OXR1: variants seen among roughly 807,000 people sequenced by gnomAD.
The protein encoded by OXR1 is oxidation resistance protein 1.
A neutral mutation model predicts 104.6 loss-of-function variants in OXR1; 41 were observed. The observed-to-expected ratio is 0.39, with a 90% CI of 0.31 to 0.51. OXR1 has a LOEUF of 0.51. Among genes scored for constraint, OXR1 ranks in the 20% least tolerant of loss-of-function variants. The pLI, the probability that OXR1 is intolerant of heterozygous loss-of-function variation, is 0.77. For missense variants in OXR1, 955 were observed against 1,031.9 expected (o/e 0.93, Z 1.02); for synonymous variants, 348 against 348.4 (o/e 1.00, Z 0.01).
At chr8:106,688,902 T>A (rs1487047843) in intron 6 of OXR1, among the ~76,000 whole-genome samples, 2 of 152,124 alleles carry the variant, frequency 1.3e-5, no homozygotes, top group Non-Finnish European at 2.9e-5. Context: ...CTGAGACATA[T>A]GATCTAAATT....
intron 3 of OXR1, among the ~76,000 whole-genome samples, chr8:106,655,913 G>C (rs1370777386): frequency 6.6e-6 from 1 of 152,166 alleles, no homozygotes; most frequent in East Asian, 1.9e-4. Context: ...ATCTGGATTT[G>C]AACTGGTAGA....
intron 2 of OXR1, among the ~76,000 whole-genome samples, chr8:106,386,133 T>C (rs561606951): frequency 6.6e-6 from 1 of 152,294 alleles, no homozygotes; most frequent in South Asian, 2.1e-4. Context: ...TGGAAGCTTC[T>C]GTAACTGTCT....
intron 16 of OXR1, among the ~76,000 whole-genome samples, chr8:106,749,232 A>AT (rs1166037372): frequency 7.3e-5 from 11 of 151,478 alleles, no homozygotes; most frequent in Non-Finnish European, 1.5e-4. Flanking sequence ...AGTCCCAGCT[A>AT]TTTGGGAGGC....
intron 2 of OXR1, among the ~76,000 whole-genome samples, chr8:106,370,574 C>A: frequency 6.6e-6 from 1 of 152,142 alleles, no homozygotes; most frequent in Non-Finnish European, 1.5e-5. Flanking sequence ...TATATTCCAT[C>A]AATACCTAGT....
At chr8:106,315,385 A>G (rs1341936488) in intron 1 of OXR1, among the ~76,000 whole-genome samples, 1 of 152,290 alleles carries the variant, frequency 6.6e-6, no homozygotes, top group East Asian at 1.9e-4. Flanking sequence ...ATTGAAATTA[A>G]CTCATTTAAT....
chr8:106,551,789 CAT>C (rs200289561), intron 3 of OXR1, among the ~76,000 whole-genome samples: 30,673 of 127,072 alleles, frequency 0.24, 3,666 homozygotes, highest in East Asian at 0.37. Flanking sequence ...CTCCACTATA[CAT>C]ATATATATAT....
At chr8:106,378,283 C>A (rs918138025) in intron 2 of OXR1, among the ~76,000 whole-genome samples, 2 of 152,158 alleles carry the variant, frequency 1.3e-5, no homozygotes, top group Non-Finnish European at 2.9e-5. Flanking sequence ...AGCAGCACAT[C>A]CAAGTGTCAG....
At chr8:106,584,369 T>C (rs888263488) in intron 3 of OXR1, among the ~76,000 whole-genome samples, 3 of 151,698 alleles carry the variant, frequency 2.0e-5, no homozygotes, top group Admixed American at 1.3e-4. Flanking sequence ...TGAGAAAATT[T>C]CCCAGAACTG....
At chr8:106,591,925 T>A (rs1819125739) in intron 3 of OXR1, among the ~76,000 whole-genome samples, 1 of 152,222 alleles carries the variant, frequency 6.6e-6, no homozygotes. Context: ...AGGGGACACC[T>A]GGCGTGAGAG....
In OXR1 at chr8:106,326,445, C is replaced by T. The variant is rs1183941157; in HGVS notation, c.-138-33031C>T. On this transcript the variant is annotated intron_variant, in intron 1 of 16. Transcript: ENST00000517566. ...TTGTTTTCCAAGCTAAATTCTGCCTCTGGCAAGACAAGTCAATTATTTTTC... is the reference window on the plus strand; with the variant it reads ...TTGTTTTCCAAGCTAAATTCTGCCTTTGGCAAGACAAGTCAATTATTTTTC... Among the ~76,000 whole-genome samples, 3 of 152,194 alleles carry T rather than the reference C, an allele frequency of 2.0e-5. No individual in the cohort carries two copies. The East Asian group carries it at 5.8e-4, about 29-fold the overall frequency.
At chr8:106,439,327 C>A (rs960656306) in intron 2 of OXR1, among the ~76,000 whole-genome samples, 2 of 151,920 alleles carry the variant, frequency 1.3e-5, no homozygotes, top group Admixed American at 1.3e-4. Flanking sequence ...CTCTGGAAAC[C>A]AGGAAGAGAG....
intron 3 of OXR1, among the ~76,000 whole-genome samples, chr8:106,669,697 T>C (rs1162637552): frequency 6.6e-6 from 1 of 152,220 alleles, no homozygotes; most frequent in Non-Finnish European, 1.5e-5. Context: ...AATATTGTAA[T>C]ATTCAGTTAT....
intron 3 of OXR1, among the ~76,000 whole-genome samples, chr8:106,540,610 T>C (rs778656558): frequency 1.3e-5 from 2 of 152,210 alleles, no homozygotes; most frequent in Non-Finnish European, 2.9e-5. Flanking sequence ...ATGGCTGTTG[T>C]ATTAGTCTGT....
chr8:106,402,172 G>C (rs1818028943), intron 2 of OXR1, among the ~76,000 whole-genome samples: 1 of 152,154 alleles, frequency 6.6e-6, no homozygotes, highest in Non-Finnish European at 1.5e-5. Flanking sequence ...ATAATCCACT[G>C]TCATTCTCCA....
chr8:106,293,086 A>G lies in OXR1; in HGVS notation c.-139+22719A>G, dbSNP rs574262028. ...TCAAAGGTAATGTGCAAAAAATGGT[A>G]GTACACAGAAGATTTACTGATGGAT... is the stretch of plus-strand genomic sequence containing the variant. On this transcript the variant is annotated intron_variant, in intron 1 of 16. Transcript: ENST00000517566. 3.3e-5 allele frequency among the ~76,000 whole-genome samples: 5 copies of G among 152,340 alleles called. 1 individual carries two copies. In the South Asian group the frequency reaches 1.0e-3, roughly 32 times the overall value.
At chr8:106,413,818 G>A (rs1818561155) in intron 2 of OXR1, among the ~76,000 whole-genome samples, 1 of 151,608 alleles carries the variant, frequency 6.6e-6, no homozygotes. Context: ...CCACCTCCTG[G>A]GTTGGAGCAA....
chr8:106,643,355 C>T (rs907360214), intron 3 of OXR1, among the ~76,000 whole-genome samples: 5 of 151,996 alleles, frequency 3.3e-5, no homozygotes, highest in African/African-American at 1.2e-4. Flanking sequence ...AGATGGCCGG[C>T]CAGATTTGGT....
At chr8:106,723,733 TGACA>T (rs905765973) in intron 11 of OXR1, among the ~76,000 whole-genome samples, 9 of 152,032 alleles carry the variant, frequency 5.9e-5, no homozygotes, top group African/African-American at 2.2e-4. Context: ...GATTTATGGG[TGACA>T]GACTAGTTTA....
rs1829446642 is a variant in OXR1, at chr8:106,692,810, C to A, written c.608C>A (p.Ser203Tyr). 6.2e-7 allele frequency: 1 copy of A among 1,603,458 alleles called. No homozygotes were observed. Among genetic ancestry groups the A allele is most frequent in the Non-Finnish European group, 8.5e-7 (1 of 1,172,552 alleles). The stretch of plus-strand genomic sequence containing the variant: ...CCTGCACGAGTTGTATCTTCAACTT[C>A]TGAGGAGGAGGAAGCATTTACTGAG... ...IRPARVVSST[S>Y]EEEEAFTEKF... The change falls in exon 7 of 17, where the codon TCT (serine) becomes TAT (tyrosine). Residue 203 changes from serine (S) to tyrosine (Y), a missense_variant. Coordinates refer to ENST00000517566, the MANE Select transcript of OXR1 (RefSeq NM_001198533.2).
Sources: gnomAD v4.1 joint callset for allele counts (sites outside exome capture counted in the v4.1 genomes callset) on GRCh38, gnomAD v4.1.1 for gene constraint, MANE v1.5 for transcripts, NCBI Gene and HGNC (gene_info 2026-07-23, HGNC 2026-07-21) for gene names.